The following HTR1F variants were observed in gnomAD, a reference collection of about 807,000 sequenced individuals.
HTR1F encodes the protein 5-hydroxytryptamine receptor 1F.
A neutral mutation model predicts 24.0 loss-of-function variants in HTR1F; 17 were observed. That is an observed-to-expected ratio of 0.71 (90% CI 0.48 to 1.06). HTR1F has a LOEUF of 1.06. Ranked by LOEUF, HTR1F falls within the 50% of genes least tolerant of loss-of-function variation. HTR1F has a pLI of 0.00. For missense variants in HTR1F, 391 were observed against 427.8 expected (o/e 0.91, Z 0.76); for synonymous variants, 186 against 156.8 (o/e 1.19, Z -1.39).
intron 2 of HTR1F, among the ~76,000 whole-genome samples, chr3:87,931,224 G>A (rs370267712): frequency 6.6e-6 from 1 of 151,382 alleles, no homozygotes; most frequent in African/African-American, 2.4e-5. Flanking sequence ...ACAGTCCCCA[G>A]AGGGTGATGT....
At chr3:87,903,455 G>T (rs1211458186) in intron 2 of HTR1F, among the ~76,000 whole-genome samples, 1 of 151,976 alleles carries the variant, frequency 6.6e-6, no homozygotes, top group Non-Finnish European at 1.5e-5. Context: ...CCATCAAAAA[G>T]TGGGCAAAGG....
chr3:87,978,761 C>A (rs2107507570), intron 2 of HTR1F, among the ~76,000 whole-genome samples: 1 of 149,130 alleles, frequency 6.7e-6, no homozygotes, highest in South Asian at 2.1e-4. Context: ...ATGGGTGGGC[C>A]TAGAAGGAGA....
At chr3:87,922,265 T>C (rs1036742935) in intron 2 of HTR1F, among the ~76,000 whole-genome samples, 1 of 151,996 alleles carries the variant, frequency 6.6e-6, no homozygotes, top group Admixed American at 6.6e-5. Flanking sequence ...ATTTGCATTT[T>C]CCTGATTAAT....
intron 2 of HTR1F, among the ~76,000 whole-genome samples, chr3:87,914,982 CA>C (rs1703861270): frequency 6.6e-6 from 1 of 152,124 alleles, no homozygotes; most frequent in African/African-American, 2.4e-5. Flanking sequence ...TGCTGGTATC[CA>C]TGGCTGAGAG....
At chr3:87,906,398 C>T (rs887637058) in intron 2 of HTR1F, among the ~76,000 whole-genome samples, 2 of 151,854 alleles carry the variant, frequency 1.3e-5, no homozygotes, top group African/African-American at 2.4e-5. Flanking sequence ...TCCTATAGAA[C>T]AAAGAAAGAG....
At chr3:87,798,519 C>T (rs1703942585) in intron 1 of HTR1F, among the ~76,000 whole-genome samples, 1 of 151,910 alleles carries the variant, frequency 6.6e-6, no homozygotes, top group African/African-American at 2.4e-5. Context: ...AACAGCAAAA[C>T]TCTCATGACC....
At chr3:87,982,997 G>A (rs917456293) in intron 2 of HTR1F, among the ~76,000 whole-genome samples, 2 of 152,162 alleles carry the variant, frequency 1.3e-5, no homozygotes, top group African/African-American at 4.8e-5. Flanking sequence ...TGAGATCTGG[G>A]GGAGCTTGGG....
intron 2 of HTR1F, among the ~76,000 whole-genome samples, chr3:87,870,983 A>G (rs1470669724): frequency 3.0e-5 from 4 of 134,422 alleles, no homozygotes; most frequent in Non-Finnish European, 6.1e-5. Flanking sequence ...AAATACCCAA[A>G]TCTCAGAAAA....
intron 2 of HTR1F, among the ~76,000 whole-genome samples, chr3:87,950,373 C>A (rs1300724857): frequency 1.3e-5 from 2 of 152,200 alleles, no homozygotes; most frequent in Admixed American, 1.3e-4. Flanking sequence ...CTTATTACAT[C>A]AGTCTAATCC....
At chr3:87,876,157 G>A (rs548027689) in intron 2 of HTR1F, among the ~76,000 whole-genome samples, 11 of 152,242 alleles carry the variant, frequency 7.2e-5, no homozygotes, top group East Asian at 1.9e-4. Context: ...GATCATGGGC[G>A]TATAAAACAG....
In HTR1F at chr3:87,991,611, G is replaced by C. The variant is rs1705833327; in HGVS notation, c.862G>C (p.Glu288Gln). The C allele has an allele frequency of 1.2e-6, 2 of 1,613,788 alleles. No homozygotes were observed. Among genetic ancestry groups the C allele is most frequent in the Non-Finnish European group, 1.7e-6 (2 of 1,179,964 alleles). ...AAGGCAAAAGATCTCAGGTACAAGA[G>C]AACGGAAAGCAGCCACTACCCTGGG... ...WRRQKISGTR[E>Q]RKAATTLGLI... Residue 288 changes from glutamate (E) to glutamine (Q), a missense_variant, in exon 3 of 3, where the codon GAA becomes CAA. Physicochemically the swap from Glu to Gln is conservative, Grantham distance 29. Coordinates refer to ENST00000319595, the MANE Select transcript of HTR1F (RefSeq NM_001322209.2).
chr3:87,922,964 G>A (rs1375456078), intron 2 of HTR1F, among the ~76,000 whole-genome samples: 8 of 150,644 alleles, frequency 5.3e-5, no homozygotes, highest in Admixed American at 1.3e-4. Flanking sequence ...GAGAGATGGG[G>A]TCTAGTTTCA....
At chr3:87,858,590 T>A (rs1193897450) in intron 2 of HTR1F, among the ~76,000 whole-genome samples, 1 of 152,158 alleles carries the variant, frequency 6.6e-6, no homozygotes, top group Non-Finnish European at 1.5e-5. Context: ...TGGATGTGGT[T>A]GATTCAATTC....
chr3:87,962,335 A>G (rs1212429020), intron 2 of HTR1F, among the ~76,000 whole-genome samples: 1 of 152,118 alleles, frequency 6.6e-6, no homozygotes, highest in East Asian at 1.9e-4. Context: ...TGTGAAAAAT[A>G]GGTACAAAAG....
intron 2 of HTR1F, among the ~76,000 whole-genome samples, chr3:87,989,204 T>A (rs1303822996): frequency 6.6e-6 from 1 of 152,210 alleles, no homozygotes; most frequent in Non-Finnish European, 1.5e-5. Context: ...AATTGACTTG[T>A]AATTAATATA....
intron 2 of HTR1F, among the ~76,000 whole-genome samples, chr3:87,905,545 A>G (rs1703645921): frequency 6.6e-6 from 1 of 152,134 alleles, no homozygotes; most frequent in East Asian, 1.9e-4. Flanking sequence ...AATTGCTATC[A>G]TAACAAATTG....
At chr3:87,941,531 C>G (rs1704568540) in intron 2 of HTR1F, among the ~76,000 whole-genome samples, 1 of 152,142 alleles carries the variant, frequency 6.6e-6, no homozygotes, top group African/African-American at 2.4e-5. Flanking sequence ...CTAAAAGTAA[C>G]TTAGCCCCGT....
chr3:87,853,038 C>T (rs1055039102), intron 2 of HTR1F, among the ~76,000 whole-genome samples: 3 of 149,976 alleles, frequency 2.0e-5, no homozygotes, highest in Non-Finnish European at 3.0e-5. Context: ...ATCAATTCCT[C>T]TCGATAGATT....
chr3:87,842,373 A>G (rs1704827784), intron 2 of HTR1F, among the ~76,000 whole-genome samples: 2 of 151,784 alleles, frequency 1.3e-5, no homozygotes, highest in African/African-American at 4.9e-5. Context: ...TGTCTTGGCC[A>G]GGCTGATCTT....
Sources: gnomAD v4.1 joint callset for allele counts (sites outside exome capture counted in the v4.1 genomes callset) on GRCh38, gnomAD v4.1.1 for gene constraint, MANE v1.5 for transcripts, NCBI Gene and HGNC (gene_info 2026-07-23, HGNC 2026-07-21) for gene names.